Variants in DGKB observed in about 807,000 individuals in gnomAD.
The protein encoded by DGKB is 90 kDa diacylglycerol kinase.
A neutral mutation model predicts 114.3 loss-of-function variants in DGKB; 67 were observed. That is an observed-to-expected ratio of 0.59 (90% CI 0.48 to 0.72). The LOEUF (loss-of-function observed/expected upper bound fraction) is 0.72. DGKB is among the 30% of genes least tolerant of loss of function. The pLI is 0.00. For missense variants in DGKB, 907 were observed against 975.2 expected (o/e 0.93, Z 0.93); for synonymous variants, 398 against 323.1 (o/e 1.23, Z -2.49).
intron 23 of DGKB, among the ~76,000 whole-genome samples, chr7:14,269,796 G>T (rs187209076): frequency 6.6e-6 from 1 of 152,032 alleles, no homozygotes; most frequent in Admixed American, 6.6e-5. Flanking sequence ...CACTCCTGAG[G>T]AATATTGTAA....
At chr7:14,510,600 C>T (rs936002973) in intron 20 of DGKB, among the ~76,000 whole-genome samples, 1 of 152,112 alleles carries the variant, frequency 6.6e-6, no homozygotes, top group African/African-American at 2.4e-5. Context: ...TTCTTACAAA[C>T]TCCTGTTACT....
chr7:14,914,451 A>T (rs923980271), intron 1 of DGKB, among the ~76,000 whole-genome samples: 4 of 152,192 alleles, frequency 2.6e-5, no homozygotes, highest in Non-Finnish European at 4.4e-5. Flanking sequence ...AAACGAAAGA[A>T]AATGAATCTA....
chr7:14,767,192 A>C (rs11977151), intron 2 of DGKB, among the ~76,000 whole-genome samples: 9,820 of 151,728 alleles, frequency 0.065, 962 homozygotes, highest in African/African-American at 0.22. Flanking sequence ...CAGTCGAGAG[A>C]GAAAAAAATA....
At chr7:14,403,802 C>T (rs914860342) in intron 21 of DGKB, among the ~76,000 whole-genome samples, 2 of 151,818 alleles carry the variant, frequency 1.3e-5, no homozygotes, top group Non-Finnish European at 2.9e-5. Flanking sequence ...ACCACTAAAC[C>T]CTACATGAGT....
At chr7:14,275,036 G>C (rs140594275) in intron 23 of DGKB, among the ~76,000 whole-genome samples, 1,848 of 151,640 alleles carry the variant, frequency 0.012, 39 homozygotes, top group African/African-American at 0.042. Context: ...TGTTGTCCTA[G>C]ATGAAAGTAT....
chr7:14,664,962 C>T (rs1048054200), intron 13 of DGKB, among the ~76,000 whole-genome samples: 5 of 151,642 alleles, frequency 3.3e-5, no homozygotes, highest in African/African-American at 9.7e-5. Flanking sequence ...CAGTAGAAAG[C>T]GAGCACTGCA....
chr7:14,931,370 A>G (rs1785010811), intron 1 of DGKB, among the ~76,000 whole-genome samples: 1 of 152,134 alleles, frequency 6.6e-6, no homozygotes, highest in Non-Finnish European at 1.5e-5. Flanking sequence ...TTGGCCTCCC[A>G]AAGTGCTGGG....
chr7:14,509,093 A>G (rs936161075), intron 20 of DGKB, among the ~76,000 whole-genome samples: 1 of 152,128 alleles, frequency 6.6e-6, no homozygotes, highest in Non-Finnish European at 1.5e-5. Flanking sequence ...TTTTGATTGG[A>G]CACCATACTG....
chr7:14,611,697 C>CTA (rs74274170), intron 16 of DGKB, among the ~76,000 whole-genome samples: 12,137 of 149,322 alleles, frequency 0.081, 970 homozygotes, highest in East Asian at 0.47. Context: ...TTTAGTGTAA[C>CTA]TATATATATA....
At chr7:14,881,289 T>C (rs1207838099) in intron 1 of DGKB, among the ~76,000 whole-genome samples, 2 of 152,168 alleles carry the variant, frequency 1.3e-5, no homozygotes, top group Non-Finnish European at 2.9e-5. Flanking sequence ...CTCTATAAAT[T>C]GATTGCTCTT....
intron 17 of DGKB, among the ~76,000 whole-genome samples, chr7:14,591,893 G>GA (rs1801762646): frequency 6.6e-6 from 1 of 151,840 alleles, no homozygotes; most frequent in South Asian, 2.1e-4. Flanking sequence ...AGCACACCAG[G>GA]AAAACCTTTT....
intron 23 of DGKB, among the ~76,000 whole-genome samples, chr7:14,205,122 C>T (rs1297113103): frequency 6.6e-6 from 1 of 151,994 alleles, no homozygotes; most frequent in Non-Finnish European, 1.5e-5. Flanking sequence ...AAAATAGCCT[C>T]TCATCTTAGT....
At chr7:14,821,889 A>G (rs1364902279) in intron 2 of DGKB, among the ~76,000 whole-genome samples, 3 of 152,206 alleles carry the variant, frequency 2.0e-5, no homozygotes, top group Non-Finnish European at 2.9e-5. Context: ...TGGGAACAGC[A>G]TAAATTAAGA....
intron 23 of DGKB, among the ~76,000 whole-genome samples, chr7:14,186,834 T>A (rs901179502): frequency 6.6e-6 from 1 of 151,976 alleles, no homozygotes; most frequent in South Asian, 2.1e-4. Flanking sequence ...AGCAAAGGCA[T>A]AAGGATGATA....
intron 4 of DGKB, among the ~76,000 whole-genome samples, chr7:14,742,117 C>G (rs778541079): frequency 5.9e-5 from 9 of 152,094 alleles, no homozygotes; most frequent in Non-Finnish European, 1.2e-4. Context: ...TTGGAGAAAC[C>G]TCTGTTTTCC....
chr7:14,456,095 A>G (rs1333874024), intron 21 of DGKB, among the ~76,000 whole-genome samples: 1 of 152,044 alleles, frequency 6.6e-6, no homozygotes, highest in East Asian at 1.9e-4. Context: ...TACTTAACTC[A>G]AACTCTGTTC....
At chr7:14,822,154 G>T (rs1320384484) in intron 2 of DGKB, among the ~76,000 whole-genome samples, 1 of 152,134 alleles carries the variant, frequency 6.6e-6, no homozygotes, top group African/African-American at 2.4e-5. Context: ...TAATTCCAGT[G>T]AGCCATCCAA....
chr7:14,866,179 A>G (rs907870536), intron 1 of DGKB, among the ~76,000 whole-genome samples: 3 of 152,164 alleles, frequency 2.0e-5, no homozygotes, highest in Non-Finnish European at 4.4e-5. Context: ...ATCCCTGCCC[A>G]TATACATCCC....
At chr7:14,693,977 A>T in intron 9 of DGKB, 98 bp downstream of exon 9, 1 of 1,391,486 alleles carries the variant, frequency 7.2e-7, no homozygotes, top group Non-Finnish European at 9.7e-7. Context: ...CTGCATGCTT[A>T]ATGGTAGAAA....
Sources: allele counts gnomAD v4.1 joint callset (sites outside exome capture counted in the v4.1 genomes callset), GRCh38; gene constraint gnomAD v4.1.1; transcripts MANE v1.5; gene names NCBI Gene and HGNC (gene_info 2026-07-23, HGNC 2026-07-21).